Variants in XNDC1N observed in about 807,000 individuals in gnomAD.
XNDC1N encodes the protein protein XNDC1N.
chr11:71,923,701 G>A, the XNDC1N span, among the ~76,000 whole-genome samples: 3 of 152,174 alleles, frequency 2.0e-5, no homozygotes, highest in Admixed American at 6.5e-5. Flanking sequence ...GACTACAGGT[G>A]CCCGCCACCA....
At chr11:71,901,365 G>T in the XNDC1N span, among the ~76,000 whole-genome samples, 2 of 152,088 alleles carry the variant, frequency 1.3e-5, no homozygotes, top group Non-Finnish European at 2.9e-5. Context: ...TTGGGAGGCT[G>T]AGGCAGGCGA....
chr11:71,888,811 T>C, the XNDC1N span, among the ~76,000 whole-genome samples: 1 of 152,210 alleles, frequency 6.6e-6, no homozygotes, highest in Non-Finnish European at 1.5e-5. Flanking sequence ...ACTACCAGAC[T>C]TTGCTCTGTG....
chr11:71,926,546 G>A, the XNDC1N span, among the ~76,000 whole-genome samples: 37 of 152,308 alleles, frequency 2.4e-4, no homozygotes, highest in African/African-American at 8.9e-4. Flanking sequence ...TGATGTTCAG[G>A]AAATTGGTTG....
the XNDC1N span, chr11:71,917,327 A>T: frequency 1.4e-3 from 863 of 638,000 alleles, 12 homozygotes; most frequent in African/African-American, 0.014. Flanking sequence ...AAAATATATT[A>T]ATCAATAAGT....
the XNDC1N span, chr11:71,893,771 T>C: frequency 1.8e-6 from 2 of 1,118,846 alleles, no homozygotes; most frequent in East Asian, 4.6e-5. Flanking sequence ...CTGACACAGA[T>C]TTCCTTCTTG....
At chr11:71,884,249 T>C in the XNDC1N span, 1 of 814,600 alleles carries the variant, frequency 1.2e-6, no homozygotes, top group Non-Finnish European at 1.8e-6. Context: ...TTTGTCTTTA[T>C]TCAGCATCTC....
chr11:71,903,062 C>G, the XNDC1N span: 1 of 508,468 alleles, frequency 2.0e-6, no homozygotes, highest in Non-Finnish European at 3.6e-6. Context: ...GTGGATTGCT[C>G]TGAAATCTGA....
the XNDC1N span, chr11:71,915,944 G>A: frequency 1.7e-6 from 1 of 597,768 alleles, no homozygotes; most frequent in South Asian, 2.0e-5. Context: ...CAAGCCCGTT[G>A]ATACTTGTAT....
the XNDC1N span, among the ~76,000 whole-genome samples, chr11:71,925,090 C>A: frequency 6.6e-6 from 1 of 151,888 alleles, no homozygotes; most frequent in Non-Finnish European, 1.5e-5. Context: ...AAATCTAATG[C>A]ATCTTTGGTG....
the XNDC1N span, among the ~76,000 whole-genome samples, chr11:71,918,106 C>A: frequency 6.6e-6 from 1 of 152,162 alleles, no homozygotes; most frequent in African/African-American, 2.4e-5. Context: ...ATCTCTCTGT[C>A]CCGACAAAAC....
At chr11:71,913,683 AAAAAAG>A in the XNDC1N span, among the ~76,000 whole-genome samples, 1 of 150,906 alleles carries the variant, frequency 6.6e-6, no homozygotes, top group African/African-American at 2.4e-5. Context: ...AAAAAAAAAA[AAAAAAG>A]AAAAACAAAA....
chr11:71,897,360 A>G, the XNDC1N span, among the ~76,000 whole-genome samples: 1 of 152,256 alleles, frequency 6.6e-6, no homozygotes, highest in Non-Finnish European at 1.5e-5. Context: ...ATCATATATA[A>G]AGAACAGCTA....
chr11:71,887,610 C>G, the XNDC1N span, among the ~76,000 whole-genome samples: 1 of 152,188 alleles, frequency 6.6e-6, no homozygotes, highest in Admixed American at 6.5e-5. Flanking sequence ...AAACAGGGGC[C>G]GGTCCCCAGA....
At chr11:71,899,974 G>C in the XNDC1N span, among the ~76,000 whole-genome samples, 2 of 152,376 alleles carry the variant, frequency 1.3e-5, no homozygotes, top group East Asian at 1.9e-4. Flanking sequence ...GGTGGGAGGC[G>C]AGACAAGTTT....
the XNDC1N span, chr11:71,928,153 TGTGTG>T: frequency 2.7e-6 from 1 of 375,340 alleles, no homozygotes; most frequent in Non-Finnish European, 4.9e-6. Context: ...TGTGCCGAGG[TGTGTG>T]AACTGGCATG....
At chr11:71,882,788 TG>T in the XNDC1N span, among the ~76,000 whole-genome samples, 1 of 152,144 alleles carries the variant, frequency 6.6e-6, no homozygotes, top group Non-Finnish European at 1.5e-5. Flanking sequence ...TCCAAACTGT[TG>T]GGGGGTGGGA....
At chr11:71,876,791 A>C in the XNDC1N span, among the ~76,000 whole-genome samples, 12 of 152,268 alleles carry the variant, frequency 7.9e-5, no homozygotes, top group Non-Finnish European at 1.6e-4. Flanking sequence ...CAAGAAAGAA[A>C]TAATTCTCAG....
the XNDC1N span, among the ~76,000 whole-genome samples, chr11:71,908,271 CTG>C: frequency 3.8e-4 from 58 of 151,730 alleles, 1 homozygote; most frequent in African/African-American, 1.2e-3. Context: ...GCTAATATGA[CTG>C]TTTTCTAATG....
chr11:71,924,405 G>A, the XNDC1N span, among the ~76,000 whole-genome samples: 2,796 of 152,012 alleles, frequency 0.018, 75 homozygotes, highest in African/African-American at 0.063. Flanking sequence ...TGGACCGGGC[G>A]CGGTGGCTTA....
Sources: gnomAD v4.1 joint callset for allele counts (sites outside exome capture counted in the v4.1 genomes callset) on GRCh38, gnomAD v4.1.1 for gene constraint, MANE v1.5 for transcripts, NCBI Gene and HGNC (gene_info 2026-07-23, HGNC 2026-07-21) for gene names.